The following PPFIBP1 variants were observed in gnomAD, a reference collection of about 807,000 sequenced individuals.
The protein encoded by PPFIBP1 is PPFIB scaffold protein 1.
A neutral mutation model predicts 137.8 loss-of-function variants in PPFIBP1; 112 were observed. The ratio of observed to expected loss-of-function variants is 0.81; its 90% CI spans 0.70 to 0.95. PPFIBP1 has a LOEUF of 0.95. PPFIBP1 is among the 40% of genes least tolerant of loss of function. PPFIBP1 has a pLI of 0.00. For synonymous variants in PPFIBP1, 378 were observed against 417.3 expected (o/e 0.91, Z 1.15); for missense variants, 1,083 against 1,196.6 (o/e 0.91, Z 1.40).
Position 27,677,086 on chromosome 12 carries a change from A to C in PPFIBP1, c.1605A>C (p.Ala535=), listed in dbSNP as rs767049222. The change falls in exon 19 of 30, where the codon GCA becomes GCC. Residue 535 remains alanine (A), a synonymous_variant. Transcript: ENST00000228425. ...AAGATCGTAAACGAAGTGCCAGTGC[A>C]CCCACCCTAGGTATTGTACCCCTGC... ...PNLDRKRSAS[A]PTLAETEKET... is the part of the protein sequence containing the mutation. The C allele has an allele frequency of 6.2e-7, 1 of 1,614,124 alleles. No individual in the cohort carries two copies. The highest frequency in any genetic ancestry group is 8.5e-7 in the Non-Finnish European group (1 of 1,180,022).
chr12:27,642,996 C>T (rs1348110973), intron 4 of PPFIBP1, among the ~76,000 whole-genome samples: 1 of 151,984 alleles, frequency 6.6e-6, no homozygotes, highest in Non-Finnish European at 1.5e-5. Flanking sequence ...GGAGCTCACA[C>T]AAGATGGCCT....
Position 27,579,010 on chromosome 12 carries a change from T to C in PPFIBP1, c.-36+771T>C, listed in dbSNP as rs190108057. On this transcript the variant is annotated intron_variant, in intron 2 of 29. Transcript: ENST00000228425. ...GCGTGCTTAGATGCTTTTCCTGGCA[T>C]GGATGTCAATAAGAGATTGGAACCT... is the stretch of plus-strand genomic sequence containing the variant. Among the ~76,000 whole-genome samples the C allele has an allele frequency of 3.9e-5, 6 of 152,368 alleles. No homozygotes were observed. In the East Asian group the frequency reaches 9.6e-4, roughly 24 times the overall value.
intron 1 of PPFIBP1, chr12:27,552,588 TC>T (rs1324827757): frequency 1.3e-5 from 2 of 152,208 alleles, no homozygotes; most frequent in African/African-American, 4.8e-5. Flanking sequence ...TGATTCCAAA[TC>T]GATGTTTCTC....
In PPFIBP1 at chr12:27,669,614, C is replaced by T. The variant is rs117566048; in HGVS notation, c.1147-1817C>T. On this transcript the variant is annotated intron_variant, in intron 13 of 29. Transcript: ENST00000228425. ...TGATCTGTTAGTATAGTTATATTTTCCCCATGATTAGGAATCTCAAGAGAC... is the reference window on the plus strand; with the variant it reads ...TGATCTGTTAGTATAGTTATATTTTTCCCATGATTAGGAATCTCAAGAGAC... Among the ~76,000 whole-genome samples, 594 of 152,238 alleles carry T rather than the reference C, an allele frequency of 3.9e-3. 3 individuals are homozygous for T. The highest frequency in any genetic ancestry group is 0.014 in the Middle Eastern group (4 of 294).
intron 2 of PPFIBP1, among the ~76,000 whole-genome samples, chr12:27,615,984 C>G (rs7965001): frequency 0.46 from 69,307 of 151,994 alleles, 15,939 homozygotes; most frequent in East Asian, 0.52. Context: ...TTCCATGCCT[C>G]ATTTTCCTCT....
At chr12:27,617,160 G>A (rs1487026659) in intron 2 of PPFIBP1, among the ~76,000 whole-genome samples, 1 of 152,226 alleles carries the variant, frequency 6.6e-6, no homozygotes, top group Non-Finnish European at 1.5e-5. Flanking sequence ...TCCAATAGAG[G>A]TGGCATAAAT....
rs377752142 is a variant in PPFIBP1 at position 27,673,769 on chromosome 12, C to T, written c.1322C>T (p.Thr441Ile). 1 of 1,612,480 alleles carries T rather than the reference C, an allele frequency of 6.2e-7. No homozygotes were observed. Among genetic ancestry groups the T allele is most frequent in the Non-Finnish European group, 8.5e-7 (1 of 1,178,860 alleles). The change falls in exon 16 of 30, where the codon ACT (threonine) becomes ATT (isoleucine). Residue 441 changes from threonine to isoleucine, a missense_variant and splice_region_variant. By Grantham distance (89) the Thr-to-Ile change is moderately conservative (BLOSUM62 -1). Transcript: ENST00000228425. ...ATTGTTATTACTGTTATTTTTAGAA[C>T]TTCAAGTCTGCAGAAGTCCAGCAGC... ...VDTQLCDKLL[T>I]SSLQKSSSLG... is the part of the protein sequence containing the mutation.
chr12:27,617,056 T>C (rs1441162676), intron 2 of PPFIBP1, among the ~76,000 whole-genome samples: 1 of 152,188 alleles, frequency 6.6e-6, no homozygotes, highest in Non-Finnish European at 1.5e-5. Flanking sequence ...GGCAGCAAGA[T>C]GTTTCATGTG....
At chr12:27,528,743 G>A (rs542757221) in intron 1 of PPFIBP1, among the ~76,000 whole-genome samples, 1 of 152,132 alleles carries the variant, frequency 6.6e-6, no homozygotes, top group Admixed American at 6.6e-5. Context: ...AGAAATATGG[G>A]TTCTTCTAGG....
chr12:27,641,301 G>A (rs1387867718), intron 4 of PPFIBP1, among the ~76,000 whole-genome samples: 1 of 152,078 alleles, frequency 6.6e-6, no homozygotes, highest in Non-Finnish European at 1.5e-5. Flanking sequence ...TGTTGATTTT[G>A]GATTTAGACA....
chr12:27,561,313 G>C (rs1037867746), intron 1 of PPFIBP1, among the ~76,000 whole-genome samples: 1 of 152,170 alleles, frequency 6.6e-6, no homozygotes, highest in Non-Finnish European at 1.5e-5. Flanking sequence ...CTTTCTGGGG[G>C]TAAAAGCCAC....
In PPFIBP1 at chr12:27,671,432, T is replaced by C. The variant is rs750782615; in HGVS notation, c.1148T>C (p.Phe383Ser). The C allele has an allele frequency of 1.3e-6, 2 of 1,550,624 alleles. No homozygotes were observed. The highest frequency in any genetic ancestry group is 1.9e-5 in the Admixed American group (1 of 51,866). Reference protein sequence around the residue: ...DPFNTSVPEEFHTTILQVSIP... With the variant: ...DPFNTSVPEESHTTILQVSIP... ...TGATTTTTTGTAATTACATTACAGTTCCATACTACCATCTTGCAAGTTTCC... is the reference window on the plus strand; with the variant it reads ...TGATTTTTTGTAATTACATTACAGTCCCATACTACCATCTTGCAAGTTTCC... The change falls in exon 14 of 30, where the codon TTC becomes TCC. Residue 383 changes from phenylalanine (F) to serine (S), a missense_variant and splice_region_variant. Transcript: ENST00000228425.
intron 1 of PPFIBP1, among the ~76,000 whole-genome samples, chr12:27,545,300 G>A (rs1946114736): frequency 6.6e-6 from 1 of 152,150 alleles, no homozygotes; most frequent in Non-Finnish European, 1.5e-5. Context: ...GGGTTGATGG[G>A]TGCAGCAAAT....
At chr12:27,620,624 A>G (rs1199594284) in intron 2 of PPFIBP1, among the ~76,000 whole-genome samples, 1 of 152,150 alleles carries the variant, frequency 6.6e-6, no homozygotes. Flanking sequence ...CTGCTGCCAG[A>G]CTGTCTGACT....
chr12:27,541,395 T>G (rs1945646707), intron 1 of PPFIBP1, among the ~76,000 whole-genome samples: 1 of 151,898 alleles, frequency 6.6e-6, no homozygotes, highest in African/African-American at 2.4e-5. Context: ...CTTCCATAGA[T>G]TCCTGAAACA....
Position 27,692,358 on chromosome 12 carries a change from A to G in PPFIBP1, c.2866-233A>G, listed in dbSNP as rs555789063. Among the ~76,000 whole-genome samples the G allele has an allele frequency of 9.8e-5, 15 of 152,324 alleles. No homozygotes were observed. The South Asian group carries it at 2.1e-3, about 21-fold the overall frequency. Reference sequence around the variant, plus strand: ...CCGCATATTTCCCCTCTAATCAACAATGCTTTGCTACTATTAGCAAAGGCA... The same window carrying G: ...CCGCATATTTCCCCTCTAATCAACAGTGCTTTGCTACTATTAGCAAAGGCA... On this transcript the variant is annotated intron_variant, in intron 28 of 29. Coordinates refer to ENST00000228425, the MANE Select transcript of PPFIBP1 (RefSeq NM_003622.4).
At chr12:27,607,228 A>G (rs2054608692) in intron 2 of PPFIBP1, among the ~76,000 whole-genome samples, 1 of 152,246 alleles carries the variant, frequency 6.6e-6, no homozygotes, top group Non-Finnish European at 1.5e-5. Flanking sequence ...TGGGAGTGGT[A>G]CAGCCAGTGC....
intron 17 of PPFIBP1, among the ~76,000 whole-genome samples, chr12:27,675,151 A>G (rs1465372446): frequency 2.0e-5 from 3 of 151,554 alleles, no homozygotes; most frequent in African/African-American, 7.3e-5. Flanking sequence ...CTGTCCTCTG[A>G]TTTTCTGTCA....
intron 2 of PPFIBP1, among the ~76,000 whole-genome samples, chr12:27,601,614 C>T (rs960321343): frequency 4.6e-5 from 7 of 152,160 alleles, no homozygotes; most frequent in South Asian, 2.1e-4. Flanking sequence ...ATTCAGAGGA[C>T]CTAGATTCGC....
Sources: gnomAD v4.1 joint callset for allele counts (sites outside exome capture counted in the v4.1 genomes callset) on GRCh38, gnomAD v4.1.1 for gene constraint, MANE v1.5 for transcripts, NCBI Gene and HGNC (gene_info 2026-07-23, HGNC 2026-07-21) for gene names.